Variants in ERC1 observed in about 807,000 individuals in gnomAD.
ERC1 encodes the protein RAB6 interacting protein 2.
ERC1 carries 56 observed loss-of-function variants against 132.0 expected under a neutral mutation model. The observed-to-expected ratio is 0.42, with a 90% confidence interval of 0.34 to 0.53. The LOEUF is 0.53. Ranked by LOEUF, ERC1 falls within the 20% of genes least tolerant of loss-of-function variation. The pLI is 0.03. For missense variants in ERC1, 1,202 were observed against 1,349.9 expected, an observed-to-expected ratio of 0.89 and a Z score of 1.72; for synonymous variants, 478 against 476.1, an observed-to-expected ratio of 1.00 and a Z score of -0.05.
chr12:1,381,909 A>AGGAG (rs1035605932), intron 16 of ERC1, among the ~76,000 whole-genome samples: 9 of 151,018 alleles, frequency 6.0e-5, no homozygotes, highest in African/African-American at 2.2e-4. Context: ...ATGAGAAGAA[A>AGGAG]GGAGGGAGGG....
At chr12:1,314,700 A>G (rs2081565888) in intron 15 of ERC1, among the ~76,000 whole-genome samples, 1 of 152,204 alleles carries the variant, frequency 6.6e-6, no homozygotes, top group Non-Finnish European at 1.5e-5. Context: ...TTACTGTCAA[A>G]GCTTTTTTCT....
chr12:991,058 C>T (rs1959184103), upstream of ERC1: 1 of 151,786 alleles, frequency 6.6e-6, no homozygotes, highest in Non-Finnish European at 1.5e-5. Context: ...CACCCGCGTG[C>T]CCCGGAAGGC....
chr12:1,450,457 C>T (rs2093401493), intron 18 of ERC1, among the ~76,000 whole-genome samples: 3 of 152,112 alleles, frequency 2.0e-5, no homozygotes, highest in Non-Finnish European at 4.4e-5. Context: ...CTGTGTTGCA[C>T]CTTGTTTAAG....
intron 1 of ERC1, among the ~76,000 whole-genome samples, chr12:1,009,039 T>C (rs1207878015): frequency 3.3e-5 from 5 of 152,014 alleles, no homozygotes; most frequent in African/African-American, 1.2e-4. Flanking sequence ...GTGAGGAACA[T>C]GGGGATTTAA....
At chr12:1,273,352 G>A (rs1594708427) in intron 14 of ERC1, among the ~76,000 whole-genome samples, 1 of 152,114 alleles carries the variant, frequency 6.6e-6, no homozygotes, top group South Asian at 2.1e-4. Flanking sequence ...ATGCTCACTC[G>A]TAGTGGTCAG....
chr12:1,418,491 T>G (rs1233845144), intron 17 of ERC1, among the ~76,000 whole-genome samples: 1 of 152,214 alleles, frequency 6.6e-6, no homozygotes, highest in Non-Finnish European at 1.5e-5. Context: ...TAGACCCAAT[T>G]GTCCTCAAAT....
At chr12:1,279,093 ATAAAGC>A (rs1156937302) in intron 14 of ERC1, among the ~76,000 whole-genome samples, 1 of 152,208 alleles carries the variant, frequency 6.6e-6, no homozygotes, top group Admixed American at 6.5e-5. Context: ...GTATAGGAAG[ATAAAGC>A]TAAAGATCTT....
At chr12:1,066,881 T>C (rs1183800091) in intron 2 of ERC1, among the ~76,000 whole-genome samples, 1 of 151,700 alleles carries the variant, frequency 6.6e-6, no homozygotes, top group Non-Finnish European at 1.5e-5. Context: ...TATTACGAAC[T>C]TATGTTTATT....
chr12:1,231,770 C>T (rs374666660), intron 12 of ERC1, among the ~76,000 whole-genome samples: 23 of 151,854 alleles, frequency 1.5e-4, no homozygotes, highest in African/African-American at 2.7e-4. Flanking sequence ...GACGGAGTCT[C>T]GCTCTGTTGC....
chr12:1,083,570 T>G lies in ERC1; in HGVS notation c.1076T>G (p.Met359Arg). The G allele has an allele frequency of 1.3e-6, 2 of 1,592,084 alleles. No individual in the cohort carries two copies. Among genetic ancestry groups the G allele is most frequent in the Admixed American group, 1.9e-5 (1 of 53,114 alleles). The change falls in exon 3 of 19, where the codon ATG (methionine) becomes AGG (arginine). Residue 359 changes from methionine to arginine, a missense_variant. Met to Arg is a moderately conservative substitution (Grantham distance 91, BLOSUM62 -1). Transcript: ENST00000360905. Reference protein sequence around the residue: ...LLEQKEKENSMLREEMHRRFE... With the variant: ...LLEQKEKENSRLREEMHRRFE... The stretch of plus-strand genomic sequence containing the variant: ...GAGCAGAAGGAAAAAGAGAACAGTA[T>G]GTTGAGAGAGGTATGTGACTACTTT...
intron 7 of ERC1, among the ~76,000 whole-genome samples, chr12:1,141,182 A>C (rs538084898): frequency 6.6e-6 from 1 of 152,314 alleles, no homozygotes; most frequent in South Asian, 2.1e-4. Context: ...ATCTAAGTGC[A>C]TTATGGGGTT....
intron 2 of ERC1, among the ~76,000 whole-genome samples, chr12:1,044,971 A>G (rs1386661721): frequency 6.6e-6 from 1 of 152,058 alleles, no homozygotes; most frequent in Admixed American, 6.6e-5. Flanking sequence ...TGAATTTTTT[A>G]TTGCTCTATT....
chr12:1,333,717 C>T (rs570355298), intron 15 of ERC1, among the ~76,000 whole-genome samples: 10 of 152,258 alleles, frequency 6.6e-5, no homozygotes, highest in East Asian at 1.9e-4. Flanking sequence ...TGAACATACA[C>T]GTGCATGTGT....
At chr12:1,179,547 G>A (rs1214731176) in intron 8 of ERC1, among the ~76,000 whole-genome samples, 5 of 126,006 alleles carry the variant, frequency 4.0e-5, no homozygotes, top group South Asian at 2.5e-4. Context: ...TCGCTCTGTC[G>A]CCCAGGCTGG....
At chr12:1,010,480 C>CA (rs71055122) in intron 1 of ERC1, among the ~76,000 whole-genome samples, 12,512 of 93,230 alleles carry the variant, frequency 0.13, 969 homozygotes, top group African/African-American at 0.26. Context: ...ACTCTGTCTC[C>CA]AAAAAAAAAA....
At chr12:1,461,333 C>T (rs1314543194) in intron 18 of ERC1, among the ~76,000 whole-genome samples, 1 of 152,144 alleles carries the variant, frequency 6.6e-6, no homozygotes, top group Non-Finnish European at 1.5e-5. Context: ...AAACCTTTGT[C>T]GCCCAGGAAT....
intron 13 of ERC1, chr12:1,244,506 G>GTTTT (rs1239219049): frequency 2.8e-6 from 1 of 361,026 alleles, no homozygotes; most frequent in Non-Finnish European, 5.3e-6. Flanking sequence ...TGGTTTGTTT[G>GTTTT]TTTGTTTGTT....
chr12:1,460,714 A>AGGTGGT (rs913080715), intron 18 of ERC1, among the ~76,000 whole-genome samples: 1 of 151,636 alleles, frequency 6.6e-6, no homozygotes, highest in Non-Finnish European at 1.5e-5. Context: ...CTTGTTTCTA[A>AGGTGGT]GGTGGTGGTG....
intron 15 of ERC1, among the ~76,000 whole-genome samples, chr12:1,301,680 G>T (rs1464429693): frequency 6.6e-6 from 1 of 152,112 alleles, no homozygotes; most frequent in Non-Finnish European, 1.5e-5. Context: ...AGTGGAGGGT[G>T]GGAGAAGGGA....
Sources: allele counts gnomAD v4.1 joint callset (sites outside exome capture counted in the v4.1 genomes callset), GRCh38; gene constraint gnomAD v4.1.1; transcripts MANE v1.5; gene names NCBI Gene and HGNC (gene_info 2026-07-23, HGNC 2026-07-21).